Variants in BLVRB observed in about 807,000 individuals in gnomAD.
The protein encoded by BLVRB is biliverdin reductase B, also known as flavin reductase (NADPH).
A neutral mutation model predicts 21.1 loss-of-function variants in BLVRB; 25 were observed. The observed-to-expected ratio is 1.19, with a 90% CI of 0.86 to 1.66. BLVRB has a LOEUF of 1.66. BLVRB is among the 40% of genes most tolerant of loss of function. BLVRB has a pLI of 0.00. For missense variants in BLVRB, 274 were observed against 282.7 expected (o/e 0.97, Z 0.22); for synonymous variants, 128 against 122.2 (o/e 1.05, Z -0.31).
At chr19:40,461,360 C>T (rs28529139) in intron 1 of BLVRB, among the ~76,000 whole-genome samples, 7,463 of 152,260 alleles carry the variant, frequency 0.049, 595 homozygotes, top group African/African-American at 0.17. Flanking sequence ...AAGTGCCTCT[C>T]TGCTCAGTTG....
chr19:40,460,295 C>G (rs930828545), intron 1 of BLVRB, among the ~76,000 whole-genome samples: 10 of 126,028 alleles, frequency 7.9e-5, no homozygotes, highest in Admixed American at 2.5e-4. Flanking sequence ...GGGTCTTGCT[C>G]TGTTGCCCAG....
rs200973383 is a variant in BLVRB at position 40,459,444 on chromosome 19, T to TTTA, written c.80-902_80-900dup. ...CACCCTGTAAATTCCTTACCTTCTA[T>TTTA]TTATTATTATTATTATTTTTTGAGA... On this transcript the variant is annotated intron_variant, in intron 1 of 4. Coordinates refer to ENST00000263368, the MANE Select transcript of BLVRB (RefSeq NM_000713.3). Among the ~76,000 whole-genome samples, 5 of 150,648 alleles carry TTTA rather than the reference T, an allele frequency of 3.3e-5. No individual in the cohort carries two copies. The South Asian group carries it at 1.1e-3, about 32-fold the overall frequency.
At chr19:40,457,233 G>A (rs268693) in intron 3 of BLVRB, among the ~76,000 whole-genome samples, 85,096 of 151,544 alleles carry the variant, frequency 0.56, 25,922 homozygotes, top group African/African-American at 0.81. Flanking sequence ...TTCCATTTCA[G>A]AGCTTGAGGA....
chr19:40,462,754 A>G (rs753947265), intron 1 of BLVRB, among the ~76,000 whole-genome samples: 185 of 150,848 alleles, frequency 1.2e-3, no homozygotes, highest in Non-Finnish European at 1.9e-3. Context: ...TTAGCTGGGC[A>G]TGGTGGCAGG....
Position 40,447,831 on chromosome 19 carries a change from C to T in BLVRB, c.*58G>A, listed in dbSNP as rs1599684206. The T allele has an allele frequency of 7.0e-6, 11 of 1,570,608 alleles. No individual in the cohort carries two copies. In the South Asian group the frequency reaches 7.9e-5, roughly 11 times the overall value. The stretch of plus-strand genomic sequence containing the variant: ...GAAGCTCTTGGCTCAACATTTATTG[C>T]CCCCTTCCTTTGCTCCTCATGTCCC... On this transcript the variant is annotated 3_prime_UTR_variant, in exon 5 of 5. Transcript: ENST00000263368.
Position 40,458,167 on chromosome 19 carries a change from C to T in BLVRB, c.322G>A (p.Ala108Thr). Residue 108 changes from alanine (A) to threonine (T), a missense_variant, in exon 3 of 5, where the codon GCC (alanine) becomes ACC (threonine). Transcript: ENST00000263368. ...TCCCACCACCCACCCGAGGTGCAGG[C>T]CACGACCTTGTCCACACCATGAGCC... ...MKAHGVDKVV[A>T]CTSAFLLWDP... 1 of 1,614,000 alleles carries T rather than the reference C, an allele frequency of 6.2e-7. No homozygotes were observed. The highest frequency in any genetic ancestry group is 8.5e-7 in the Non-Finnish European group (1 of 1,179,944).
intron 4 of BLVRB, among the ~76,000 whole-genome samples, chr19:40,450,052 G>T (rs1208010995): frequency 6.6e-6 from 1 of 150,744 alleles, no homozygotes; most frequent in Non-Finnish European, 1.5e-5. Context: ...ACAAAAATTA[G>T]CTGGGCGTGG....
chr19:40,449,072 T>C (rs2079727563), intron 4 of BLVRB, among the ~76,000 whole-genome samples: 1 of 150,998 alleles, frequency 6.6e-6, no homozygotes, highest in Non-Finnish European at 1.5e-5. Context: ...AGGGAGACCC[T>C]GTCTCAAAAA....
intron 3 of BLVRB, among the ~76,000 whole-genome samples, chr19:40,455,723 C>T (rs530418218): frequency 1.7e-4 from 26 of 152,050 alleles, no homozygotes; most frequent in African/African-American, 5.5e-4. Flanking sequence ...AACAAAAAAC[C>T]CAAATAGTTT....
chr19:40,458,591 C>A (rs2079773394), intron 1 of BLVRB, 46 bp from the exon 2 acceptor site: 1 of 1,524,666 alleles, frequency 6.6e-7, no homozygotes, highest in Non-Finnish European at 8.8e-7. Context: ...GGCTGGCACT[C>A]TTGGGCTCCA....
At chr19:40,457,813 C>T (rs1333283027) in intron 3 of BLVRB, 1 of 320,992 alleles carries the variant, frequency 3.1e-6, no homozygotes, top group Non-Finnish European at 5.8e-6. Flanking sequence ...CTCTCTCAGC[C>T]TAAGTCGGAC....
chr19:40,452,584 G>A (rs905308905), intron 3 of BLVRB, among the ~76,000 whole-genome samples: 1 of 151,894 alleles, frequency 6.6e-6, no homozygotes, highest in African/African-American at 2.4e-5. Flanking sequence ...ATTTTTTTAG[G>A]CCGGGTCTGG....
intron 4 of BLVRB, among the ~76,000 whole-genome samples, chr19:40,449,890 C>A (rs780265057): frequency 6.6e-6 from 1 of 152,056 alleles, no homozygotes; most frequent in African/African-American, 2.4e-5. Flanking sequence ...GCTTTCAAAT[C>A]GGGAGGTGTG....
intron 3 of BLVRB, among the ~76,000 whole-genome samples, chr19:40,452,587 G>A (rs1020976865): frequency 2.0e-5 from 3 of 151,766 alleles, no homozygotes; most frequent in Middle Eastern, 3.2e-3. Flanking sequence ...TTTTTAGGCC[G>A]GGTCTGGTGG....
At chr19:40,463,877 C>T (rs566970919) in intron 1 of BLVRB, among the ~76,000 whole-genome samples, 2 of 151,696 alleles carry the variant, frequency 1.3e-5, no homozygotes, top group South Asian at 2.1e-4. Context: ...AAGCTATTCT[C>T]CTGCCTCAGT....
Position 40,447,909 on chromosome 19 carries a change from G to T in BLVRB, c.601C>A (p.Pro201Thr), listed in dbSNP as rs773558164. 1 of 1,614,000 alleles carries T rather than the reference G, an allele frequency of 6.2e-7. No homozygotes were observed. The highest frequency in any genetic ancestry group is 1.1e-5 in the South Asian group (1 of 91,076). ...GAGTGCTACTGGTACTGGTGGGAGG[G>T]GTAGGTGCTGTGTCCGTCGTACTCA... is the stretch of plus-strand genomic sequence containing the variant. ...TDEYDGHSTY[P>T]SHQYQ The change falls in exon 5 of 5, where the codon CCC becomes ACC. Residue 201 changes from proline to threonine, a missense_variant. Pro to Thr is a conservative substitution (Grantham distance 38). Coordinates refer to ENST00000263368, the MANE Select transcript of BLVRB (RefSeq NM_000713.3).
chr19:40,458,417 C>A lies in BLVRB; in HGVS notation c.208G>T (p.Ala70Ser). 6.3e-7 allele frequency: 1 copy of A among 1,591,658 alleles called. No individual in the cohort carries two copies. Among genetic ancestry groups the A allele is most frequent in the Non-Finnish European group, 8.5e-7 (1 of 1,169,900 alleles). Reference sequence around the variant, plus strand: ...CGGGTGCCCAGCAGCACGATGACAGCGTCCTGCCCAGCCACGGTCTTGTCC... The same window carrying A: ...CGGGTGCCCAGCAGCACGATGACAGAGTCCTGCCCAGCCACGGTCTTGTCC... ...DVDKTVAGQD[A>S]VIVLLGTRND... Residue 70 changes from alanine (A) to serine (S), a missense_variant, in exon 2 of 5, where the codon GCT becomes TCT. Physicochemically the swap from Ala to Ser is moderately conservative, Grantham distance 99. Coordinates refer to ENST00000263368, the MANE Select transcript of BLVRB (RefSeq NM_000713.3).
chr19:40,460,440 CAACATAGTGA>C (rs2079782209), intron 1 of BLVRB, among the ~76,000 whole-genome samples: 1 of 149,464 alleles, frequency 6.7e-6, no homozygotes, highest in Non-Finnish European at 1.5e-5. Flanking sequence ...CCAGACTGGG[CAACATAGTGA>C]AACCCCGTCT....
chr19:40,462,662 C>T lies in BLVRB; in HGVS notation c.79+2948G>A, dbSNP rs556857937. ...ATCCCAGCACTTTGGGAGGCTGAGG[C>T]GGGCGGATCATGAGGTCAGGAGATG... is the stretch of plus-strand genomic sequence containing the variant. On this transcript the variant is annotated intron_variant, in intron 1 of 4. Transcript: ENST00000263368. Among the ~76,000 whole-genome samples, 1,103 of 148,000 alleles carry T rather than the reference C, an allele frequency of 7.5e-3. 13 individuals carry two copies. The highest frequency in any genetic ancestry group is 9.8e-3 in the Non-Finnish European group (650 of 66,520).
Sources: allele counts gnomAD v4.1 joint callset (sites outside exome capture counted in the v4.1 genomes callset), GRCh38; gene constraint gnomAD v4.1.1; transcripts MANE v1.5; gene names NCBI Gene and HGNC (gene_info 2026-07-23, HGNC 2026-07-21).